Variants in OVCH1 observed in about 807,000 individuals in gnomAD.
OVCH1 encodes the protein ovochymase-1.
A neutral mutation model predicts 138.4 loss-of-function variants in OVCH1; 139 were observed. The ratio of observed to expected loss-of-function variants is 1.00; its 90% CI spans 0.87 to 1.16. The LOEUF (loss-of-function observed/expected upper bound fraction) is 1.16. Ranked by LOEUF, OVCH1 falls within the 50% of genes most tolerant of loss-of-function variation. The pLI, the probability that OVCH1 is intolerant of heterozygous loss-of-function variation, is 0.00. For synonymous variants in OVCH1, 453 were observed against 467.8 expected (o/e 0.97, Z 0.41); for missense variants, 1,367 against 1,357.9 (o/e 1.01, Z -0.11).
downstream of OVCH1, among the ~76,000 whole-genome samples, chr12:29,411,864 G>A (rs1299830400): frequency 1.1e-5 from 1 of 93,696 alleles, no homozygotes; most frequent in Non-Finnish European, 2.7e-5. Context: ...TCAGTCTGCA[G>A]AGGTTACTGC....
intron 3 of OVCH1, among the ~76,000 whole-genome samples, chr12:29,416,321 C>G (rs1056767950): frequency 6.6e-6 from 1 of 151,822 alleles, no homozygotes; most frequent in African/African-American, 2.4e-5. Flanking sequence ...TGGACTTCAT[C>G]TAAATTAAAA....
chr12:29,490,332 G>T (rs908593064), intron 5 of OVCH1, among the ~76,000 whole-genome samples: 2 of 151,910 alleles, frequency 1.3e-5, no homozygotes, highest in Non-Finnish European at 2.9e-5. Context: ...TTCCTGCCTT[G>T]GCCTCCCAAA....
chr12:29,476,970 TAA>T, intron 12 of OVCH1, 130 bp downstream of exon 12: 2 of 1,055,434 alleles, frequency 1.9e-6, no homozygotes, highest in Non-Finnish European at 2.6e-6. Flanking sequence ...CTTTTCAGAG[TAA>T]AAAAAAATGG....
At chr12:29,435,952 T>C (rs1941350636) in intron 26 of OVCH1, among the ~76,000 whole-genome samples, 1 of 152,218 alleles carries the variant, frequency 6.6e-6, no homozygotes, top group African/African-American at 2.4e-5. Context: ...CAAAAAAAAT[T>C]ACTCATAATC....
intron 26 of OVCH1, among the ~76,000 whole-genome samples, chr12:29,435,168 A>C (rs893244347): frequency 6.6e-6 from 1 of 152,168 alleles, no homozygotes; most frequent in African/African-American, 2.4e-5. Context: ...CAAACCCATT[A>C]GTTGGTCAAA....
downstream of OVCH1, among the ~76,000 whole-genome samples, chr12:29,424,911 A>T (rs1008245003): frequency 4.6e-5 from 7 of 152,204 alleles, no homozygotes; most frequent in African/African-American, 1.7e-4. Context: ...AAATTATTAG[A>T]CAGATGGTTT....
intron 8 of OVCH1, among the ~76,000 whole-genome samples, chr12:29,484,752 C>T (rs1260658833): frequency 6.6e-6 from 1 of 152,130 alleles, no homozygotes; most frequent in African/African-American, 2.4e-5. Context: ...ATGGGGGTAA[C>T]AAATCTTCCC....
At position 29,444,325 on chromosome 12, in the gene OVCH1, T is replaced by G. The variant is rs569974661; in HGVS notation, c.2882-45A>C. On this transcript the variant is annotated intron_variant, in intron 23 of 27. Coordinates refer to ENST00000318184, the Ensembl canonical transcript of OVCH1. ...AGAAAATGAGAATAAAACCAATTTTTAACAGGCTTCCTATATGCCTTTTCA... is the reference window on the plus strand; with the variant it reads ...AGAAAATGAGAATAAAACCAATTTTGAACAGGCTTCCTATATGCCTTTTCA... 37 of 1,580,758 alleles carry G rather than the reference T, an allele frequency of 2.3e-5. 1 individual carries two copies. The South Asian group carries it at 3.8e-4, about 16-fold the overall frequency.
chr12:29,429,576 A>G (rs956299874), intron 27 of OVCH1, among the ~76,000 whole-genome samples: 16 of 152,250 alleles, frequency 1.1e-4, no homozygotes, highest in Non-Finnish European at 1.3e-4. Flanking sequence ...ATGGTCTATC[A>G]TAAATATTAT....
At chr12:29,425,583 C>T (rs897219035), downstream of OVCH1, among the ~76,000 whole-genome samples, 11 of 152,144 alleles carry the variant, frequency 7.2e-5, no homozygotes, top group East Asian at 3.9e-4. Flanking sequence ...TTGAGTCCCA[C>T]GTTTTCTACT....
intron 3 of OVCH1, among the ~76,000 whole-genome samples, chr12:29,417,087 C>T (rs972765521): frequency 2.0e-5 from 3 of 152,180 alleles, no homozygotes; most frequent in African/African-American, 7.2e-5. Context: ...AGGTTACATA[C>T]TATGCAGCTC....
chr12:29,477,008 C>T, intron 12 of OVCH1, 94 bp downstream of exon 12: 1 of 1,354,630 alleles, frequency 7.4e-7, no homozygotes, highest in Non-Finnish European at 9.7e-7. Flanking sequence ...AGCTCCTAGT[C>T]ATAATGGCAA....
intron 8 of OVCH1, among the ~76,000 whole-genome samples, chr12:29,482,158 T>A (rs1174818764): frequency 6.6e-6 from 1 of 152,192 alleles, no homozygotes; most frequent in African/African-American, 2.4e-5. Flanking sequence ...GTTCTTTTCA[T>A]GCCCCGCAAG....
the OVCH1 span, among the ~76,000 whole-genome samples, chr12:29,405,881 C>T: frequency 6.6e-6 from 1 of 152,162 alleles, no homozygotes; most frequent in African/African-American, 2.4e-5. Context: ...ACAATGGAAA[C>T]GACATTCTGA....
intron 21 of OVCH1, among the ~76,000 whole-genome samples, 157 bp from the exon 22 acceptor site, chr12:29,451,726 T>A (rs1232792805): frequency 6.6e-6 from 1 of 152,196 alleles, no homozygotes; most frequent in Non-Finnish European, 1.5e-5. Flanking sequence ...CCATTCTATT[T>A]AATGTGTCTT....
At chr12:29,451,349 C>T (rs763288724) in exon 22 of OVCH1, 9 of 1,610,876 alleles carry the variant, frequency 5.6e-6, no homozygotes, top group East Asian at 4.5e-5. Flanking sequence ...GATTACCTGC[C>T]GTCTTTCTCT....
chr12:29,424,023 A>C (rs1017331753), downstream of OVCH1, among the ~76,000 whole-genome samples: 2 of 152,152 alleles, frequency 1.3e-5, no homozygotes, highest in Admixed American at 6.5e-5. Flanking sequence ...AATTAAAGAC[A>C]CACACACACA....
exon 26 of OVCH1, chr12:29,439,333 A>C: frequency 6.6e-7 from 1 of 1,523,574 alleles, no homozygotes; most frequent in South Asian, 1.3e-5. Context: ...CTCACCACTG[A>C]ATTTTCCCAT....
chr12:29,495,726 A>C (rs1014046755), intron 3 of OVCH1, among the ~76,000 whole-genome samples: 3 of 152,182 alleles, frequency 2.0e-5, no homozygotes, highest in African/African-American at 7.2e-5. Flanking sequence ...TAGTTCACAC[A>C]TGCAATGCCA....
Sources: gnomAD v4.1 joint callset for allele counts (sites outside exome capture counted in the v4.1 genomes callset) on GRCh38, gnomAD v4.1.1 for gene constraint, MANE v1.5 for transcripts, NCBI Gene and HGNC (gene_info 2026-07-23, HGNC 2026-07-21) for gene names.